The following VWF variants were observed in gnomAD, a reference collection of about 807,000 sequenced individuals.
The protein encoded by VWF is Factor VIII related antigen.
Under a neutral mutation model 308.6 loss-of-function variants are expected in VWF, and 176 were observed. That is an observed-to-expected ratio of 0.57 (90% CI 0.50 to 0.65). The LOEUF is 0.65. Ranked by LOEUF, VWF falls within the 30% of genes least tolerant of loss-of-function variation. VWF has a pLI of 0.00. For missense variants in VWF, 3,146 were observed against 3,648.2 expected (o/e 0.86, Z 3.55); for synonymous variants, 1,385 against 1,443.4 (o/e 0.96, Z 0.92).
At position 6,016,501 on chromosome 12, in the gene VWF, T is replaced by A; in HGVS notation, c.5311+15A>T. 6.2e-7 allele frequency: 1 copy of A among 1,613,130 alleles called. No homozygotes were observed. Among genetic ancestry groups the A allele is most frequent in the Non-Finnish European group, 8.5e-7 (1 of 1,179,748 alleles). Reference sequence around the variant, plus strand: ...GAATGCAGCTTCTGCATCCAGCCTGTGGCACCAACGTTACCGATTTGGCTG... The same window carrying A: ...GAATGCAGCTTCTGCATCCAGCCTGAGGCACCAACGTTACCGATTTGGCTG... On this transcript the variant is annotated intron_variant, in intron 30 of 51. Transcript: ENST00000261405.
chr12:5,984,867 C>A lies in VWF; in HGVS notation c.6976+178G>T, dbSNP rs116737630. ...ATTTACAGTAGATTCTTCTAGGAAG[C>A]AAATCCTATTCTCCAGAGGTAACCC... On this transcript the variant is annotated intron_variant, in intron 40 of 51. Coordinates refer to ENST00000261405, the MANE Select transcript of VWF (RefSeq NM_000552.5). Among the ~76,000 whole-genome samples the A allele has an allele frequency of 3.4e-3, 523 of 152,374 alleles. 1 individual carries two copies. The highest frequency in any genetic ancestry group is 0.012 in the African/African-American group (483 of 41,594).
At chr12:6,112,936 A>G (rs1945325830) in intron 3 of VWF, among the ~76,000 whole-genome samples, 1 of 152,114 alleles carries the variant, frequency 6.6e-6, no homozygotes, top group Admixed American at 6.5e-5. Flanking sequence ...TGAGCTACAG[A>G]ATAGACTTGT....
In VWF at chr12:6,000,142, A is replaced by C. The variant is rs182258418; in HGVS notation, c.5843-3920T>G. Among the ~76,000 whole-genome samples the C allele has an allele frequency of 1.2e-4, 19 of 152,298 alleles. No individual in the cohort carries two copies. The East Asian group carries it at 1.5e-3, about 12-fold the overall frequency. On this transcript the variant is annotated intron_variant, in intron 34 of 51. Transcript: ENST00000261405. ...CTCATGAAAACATTCTGGAAATCAA[A>C]AAAGAACCAAATCTATGTATGGGAG...
chr12:5,985,460 C>T, intron 39 of VWF, 103 bp downstream of exon 39: 1 of 1,260,384 alleles, frequency 7.9e-7, no homozygotes, highest in Non-Finnish European at 1.1e-6. Flanking sequence ...CTCTAGGTGC[C>T]AGTGTTTGAG....
At chr12:6,034,946 G>A in intron 19 of VWF, 120 bp from the exon 20 acceptor site, 2 of 1,311,458 alleles carry the variant, frequency 1.5e-6, no homozygotes, top group Non-Finnish European at 2.1e-6. Flanking sequence ...CCTCCAGGAA[G>A]CCCAAGGAAG....
Position 6,062,993 on chromosome 12 carries a change from C to T in VWF, c.1494G>A (p.Leu498=). 1.2e-6 allele frequency: 2 copies of T among 1,613,504 alleles called. No individual in the cohort carries two copies. Among genetic ancestry groups the T allele is most frequent in the Non-Finnish European group, 1.7e-6 (2 of 1,180,022 alleles). ...TCCCGCGGCCATCCCAGTCCATCTGCAGGTCCTCCCCGTAGCTGAGGCGCA... is the reference window on the plus strand; with the variant it reads ...TCCCGCGGCCATCCCAGTCCATCTGTAGGTCCTCCCCGTAGCTGAGGCGCA... The part of the protein sequence containing the change: ...ASVRLSYGED[L]QMDWDGRGRL... The change falls in exon 13 of 52, where the codon CTG becomes CTA. Residue 498 remains leucine, a synonymous_variant. Coordinates refer to ENST00000261405, the MANE Select transcript of VWF (RefSeq NM_000552.5).
In VWF at chr12:6,044,328, A is replaced by G. The variant is rs1292090820; in HGVS notation, c.2405T>C (p.Met802Thr). Residue 802 changes from methionine to threonine, a missense_variant, in exon 18 of 52, where the codon ATG becomes ACG. Met to Thr is a moderately conservative substitution (Grantham distance 81). This residue lies in a region of VWF where 1,304 missense variants were observed against 1,353.0 expected (regional missense o/e 0.96). Transcript: ENST00000261405. The part of the protein sequence containing the change: ...CQNYDLECMS[M>T]GCVSGCLCPP... Reference sequence around the variant, plus strand: ...GCAGAGGCAGCCAGAGACACAGCCCATGCTCATGCACTCCAGGTCATAGTT... The same window carrying G: ...GCAGAGGCAGCCAGAGACACAGCCCGTGCTCATGCACTCCAGGTCATAGTT... The G allele has an allele frequency of 1.9e-6, 3 of 1,614,046 alleles. No homozygotes were observed. The highest frequency in any genetic ancestry group is 2.2e-5 in the East Asian group (1 of 44,890).
At chr12:6,079,344 C>T (rs1944877783) in intron 6 of VWF, among the ~76,000 whole-genome samples, 2 of 152,174 alleles carry the variant, frequency 1.3e-5, no homozygotes, top group South Asian at 4.1e-4. Flanking sequence ...CGGTGGCTCA[C>T]ACCTGTAATC....
intron 43 of VWF, among the ~76,000 whole-genome samples, chr12:5,974,781 C>G (rs1314802186): frequency 6.6e-6 from 1 of 152,156 alleles, no homozygotes; most frequent in Non-Finnish European, 1.5e-5. Context: ...GCTCTTAGGA[C>G]AAATGGAGAG....
At chr12:5,950,904 G>A (rs1052735885) in intron 50 of VWF, among the ~76,000 whole-genome samples, 5 of 152,062 alleles carry the variant, frequency 3.3e-5, no homozygotes, top group African/African-American at 9.7e-5. Context: ...CATTCAAATG[G>A]GAATCATAGA....
chr12:6,029,244 T>C (rs11063999), intron 22 of VWF, 98 bp downstream of exon 22: 366,112 of 1,528,492 alleles, frequency 0.24, 47,055 homozygotes, highest in African/African-American at 0.32. Context: ...CAGGAGCACC[T>C]GGATTCATAA....
chr12:6,084,615 T>C (rs745314642), intron 6 of VWF, among the ~76,000 whole-genome samples: 1 of 151,970 alleles, frequency 6.6e-6, no homozygotes, highest in Non-Finnish European at 1.5e-5. Flanking sequence ...GCTTAGCTAT[T>C]GTGTTTGCTC....
chr12:6,018,167 C>G (rs961802731), intron 28 of VWF, among the ~76,000 whole-genome samples, 198 bp downstream of exon 28: 3 of 151,794 alleles, frequency 2.0e-5, no homozygotes, highest in African/African-American at 7.3e-5. Flanking sequence ...GATCTTCCCC[C>G]GAAAAAGGAT....
rs1044040699 is a variant in VWF at position 6,017,018 on chromosome 12, G to A, written c.5054-148C>T. 12 of 806,908 alleles carry A rather than the reference G, an allele frequency of 1.5e-5. No homozygotes were observed. In the African/African-American group the frequency reaches 1.5e-4, roughly 10 times the overall value. 50.0% of individuals were successfully genotyped at this position (806,908 alleles called of 1,614,324 possible). The stretch of plus-strand genomic sequence containing the variant: ...GCGGGGGGTGCCTTCGTGAGTACAA[G>A]GGCAATGTGGGCCAGGGAGGAGGGG... On this transcript the variant is annotated intron_variant, in intron 28 of 51. Transcript: ENST00000261405.
rs113568576 is a variant in VWF at position 5,971,784 on chromosome 12, G to A, written c.7438-75C>T. ...AGGGGCTCTTACCTACGCCTCCTGC[G>A]TACTGAGCCCTGGGGTTGTGCCAAG... On this transcript the variant is annotated intron_variant, in intron 43 of 51. Transcript: ENST00000261405. The A allele has an allele frequency of 2.5e-3, 3,186 of 1,296,996 alleles. 45 individuals are homozygous for A. In the African/African-American group the frequency reaches 0.04, roughly 16 times the overall value. The allele number at this position is 1,296,996 out of a possible 1,614,324, so 80.3% of individuals were successfully genotyped here.
intron 28 of VWF, among the ~76,000 whole-genome samples, chr12:6,017,362 T>C (rs1255615620): frequency 6.6e-6 from 1 of 152,220 alleles, no homozygotes; most frequent in East Asian, 1.9e-4. Flanking sequence ...TCTGAGCACA[T>C]CTGAGATTTG....
At position 6,052,651 on chromosome 12, in the gene VWF, A is replaced by G; in HGVS notation, c.2078T>C (p.Leu693Pro). The change falls in exon 16 of 52, where the codon CTC becomes CCC. Residue 693 changes from leucine to proline, a missense_variant. Leu to Pro is a moderately conservative substitution (Grantham distance 98). Around this residue, in one of 3 missense-constraint regions of VWF, gnomAD observed 1,304 missense variants for 1,353.0 expected, o/e 0.96. Transcript: ENST00000261405. ...GCAGTCCCCCCTCTCATCCATGTAG[A>G]GCCCTGGGGGGCAGAAGCAGCCCTC... is the stretch of plus-strand genomic sequence containing the variant. ...CLEGCFCPPG[L>P]YMDERGDCVP... is the part of the protein sequence containing the mutation. 6.2e-7 allele frequency: 1 copy of G among 1,614,246 alleles called. No homozygotes were observed. The highest frequency in any genetic ancestry group is 8.5e-7 in the Non-Finnish European group (1 of 1,180,050).
intron 43 of VWF, among the ~76,000 whole-genome samples, chr12:5,973,138 C>G (rs1441787291): frequency 6.6e-6 from 1 of 152,198 alleles, no homozygotes; most frequent in Non-Finnish European, 1.5e-5. Flanking sequence ...CTAAGATTCC[C>G]CTCCATACCC....
At chr12:5,953,621 CAT>C (rs1417793675) in intron 47 of VWF, 27 bp from the exon 48 acceptor site, 2 of 1,583,282 alleles carry the variant, frequency 1.3e-6, no homozygotes, top group Admixed American at 3.3e-5. Flanking sequence ...AAAAAGCAGC[CAT>C]AGTTAACCTC....
Sources: allele counts gnomAD v4.1 joint callset (sites outside exome capture counted in the v4.1 genomes callset), GRCh38; gene constraint gnomAD v4.1.1; regional missense constraint gnomAD v4.1.1; transcripts MANE v1.5; gene names NCBI Gene and HGNC (gene_info 2026-07-23, HGNC 2026-07-21).